POLR3C: variants seen among roughly 807,000 people sequenced by gnomAD.
POLR3C encodes DNA-directed RNA polymerase III subunit RPC3.
A neutral mutation model predicts 65.9 loss-of-function variants in POLR3C; 44 were observed. That is an observed-to-expected ratio of 0.67 (90% CI 0.52 to 0.86). The LOEUF (loss-of-function observed/expected upper bound fraction) is 0.86, where lower values mean the gene tolerates loss of function less well. Ranked by LOEUF, POLR3C falls within the 40% of genes least tolerant of loss-of-function variation. POLR3C has a pLI of 0.00. For synonymous variants in POLR3C, 263 were observed against 231.6 expected (o/e 1.14, Z -1.23); for missense variants, 576 against 653.2 (o/e 0.88, Z 1.29).
At chr1:145,830,688 A>G (rs932471587) in intron 5 of POLR3C, among the ~76,000 whole-genome samples, 1 of 151,980 alleles carries the variant, frequency 6.6e-6, no homozygotes, top group African/African-American at 2.4e-5. Flanking sequence ...AATTACAGCT[A>G]CTTGGGAGGC....
chr1:145,830,650 T>C (rs935892168), intron 5 of POLR3C, among the ~76,000 whole-genome samples: 4 of 151,490 alleles, frequency 2.6e-5, no homozygotes, highest in Non-Finnish European at 5.9e-5. Context: ...AATACAAAAA[T>C]TAACCGGCCA....
In POLR3C at chr1:145,838,067, G is replaced by A. The variant is rs781939840; in HGVS notation, c.1082G>A (p.Arg361His). Reference sequence around the variant, plus strand: ...TCATTCCTTTCCAGATTTGGGTCTCGCTGTGCTAGAATATTCCGTCTAGTT... The same window carrying A: ...TCATTCCTTTCCAGATTTGGGTCTCACTGTGCTAGAATATTCCGTCTAGTT... The part of the protein sequence containing the change: ...ESVVQERFGS[R>H]CARIFRLVLQ... The change falls in exon 11 of 15, where the codon CGC (arginine) becomes CAC (histidine). Residue 361 changes from arginine (R) to histidine (H), a missense_variant. Coordinates refer to ENST00000334163, the MANE Select transcript of POLR3C (RefSeq NM_006468.8). 2.9e-5 allele frequency: 47 copies of A among 1,613,830 alleles called. No individual in the cohort carries two copies. In the East Asian group the frequency reaches 3.1e-4, roughly 11 times the overall value.
At chr1:145,841,244 C>T (rs980372988) in intron 14 of POLR3C, among the ~76,000 whole-genome samples, 173 bp downstream of exon 14, 1 of 152,202 alleles carries the variant, frequency 6.6e-6, no homozygotes, top group East Asian at 1.9e-4. Context: ...TGAAGATGTT[C>T]TGAGCTTCTT....
chr1:145,833,635 A>G (rs1651538015), intron 7 of POLR3C, 53 bp downstream of exon 7: 17 of 1,176,056 alleles, frequency 1.4e-5, no homozygotes, highest in South Asian at 4.9e-5. Flanking sequence ...GGTGTTATCA[A>G]CGTTTATTAT....
chr1:145,826,437 C>T lies in POLR3C; in HGVS notation c.148-17C>T, dbSNP rs782284283. The T allele has an allele frequency of 6.2e-7, 1 of 1,611,082 alleles. No homozygotes were observed. The highest frequency in any genetic ancestry group is 8.5e-7 in the Non-Finnish European group (1 of 1,178,034). On this transcript the variant is annotated splice_polypyrimidine_tract_variant and intron_variant, in intron 2 of 14. Transcript: ENST00000334163. ...TTCAGGTCTTTCCTCTCTTTCTTCT[C>T]TTTATGTTCCATTTAGGTGAAGAAA...
At chr1:145,837,488 A>G (rs1019286887) in intron 9 of POLR3C, 48 bp from the exon 10 acceptor site, 1 of 983,420 alleles carries the variant, frequency 1.0e-6, no homozygotes, top group South Asian at 1.6e-5. Context: ...TCAGATCACA[A>G]TAACTAGGCC....
chr1:145,833,263 A>G lies in POLR3C; in HGVS notation c.682A>G (p.Ile228Val). The G allele has an allele frequency of 6.3e-7, 1 of 1,596,722 alleles. No homozygotes were observed. The highest frequency in any genetic ancestry group is 8.6e-7 in the Non-Finnish European group (1 of 1,164,886). Residue 228 changes from isoleucine (I) to valine (V), a missense_variant, in exon 6 of 15, where the codon ATT becomes GTT. By Grantham distance (29) the Ile-to-Val change is conservative (BLOSUM62 3). Coordinates refer to ENST00000334163, the MANE Select transcript of POLR3C (RefSeq NM_006468.8). ...TTTCTCTAAATCTTTTCCTCAGCCCATTCCAGATGATGGGATTTATTGGCA... is the reference window on the plus strand; with the variant it reads ...TTTCTCTAAATCTTTTCCTCAGCCCGTTCCAGATGATGGGATTTATTGGCA... ...PKYTTDNKEPIPDDGIYWQAN... is the reference protein window; with the variant it reads ...PKYTTDNKEPVPDDGIYWQAN...
At chr1:145,840,415 C>T (rs1229589016) in intron 13 of POLR3C, 3 of 440,862 alleles carry the variant, frequency 6.8e-6, no homozygotes, top group Non-Finnish European at 1.2e-5. Context: ...TGGCGGGCAC[C>T]TATAGTCCCA....
chr1:145,837,941 C>G (rs1026726016), intron 10 of POLR3C, 115 bp from the exon 11 acceptor site: 174 of 908,526 alleles, frequency 1.9e-4, no homozygotes, highest in Non-Finnish European at 2.2e-4. Flanking sequence ...TTTCTGATCA[C>G]TGTTCCTGTC....
In POLR3C at chr1:145,835,438, C is replaced by CT. The variant is rs1651732619; in HGVS notation, c.877-1055dup. Among the ~76,000 whole-genome samples, 3 of 147,748 alleles carry CT rather than the reference C, an allele frequency of 2.0e-5. No individual in the cohort carries two copies. The Admixed American group carries it at 2.0e-4, about 10-fold the overall frequency. The stretch of plus-strand genomic sequence containing the variant: ...CTAGCCTGGGAAACAGAGTGAGACT[C>CT]TGTCTCAAAAAAAAAAAAAAAGTTT... On this transcript the variant is annotated intron_variant, in intron 7 of 14. Transcript: ENST00000334163.
At position 145,842,366 on chromosome 1, in the gene POLR3C, C is replaced by G; in HGVS notation, c.1551C>G (p.Asp517Glu). Residue 517 changes from aspartate to glutamate, a missense_variant, in exon 15 of 15, where the codon GAC (aspartate) becomes GAG (glutamate). Transcript: ENST00000334163. ...NKLDASEIQV[D>E]ETIFLLESYI... ...TGGATGCCAGTGAGATCCAGGTGGA[C>G]GAAACCATCTTCCTGCTGGAGTCTT... 1 of 1,611,044 alleles carries G rather than the reference C, an allele frequency of 6.2e-7. No homozygotes were observed. Among genetic ancestry groups the G allele is most frequent in the South Asian group, 1.1e-5 (1 of 91,042 alleles).
In POLR3C at chr1:145,826,728, G is replaced by C. The variant is rs1036631838; in HGVS notation, c.403+19G>C. ...ATGGAGGGTCAGTATGGTATCCATA[G>C]CTGTTAACAAAAGCATAGATCAGCT... is the stretch of plus-strand genomic sequence containing the variant. On this transcript the variant is annotated intron_variant, in intron 3 of 14. Coordinates refer to ENST00000334163, the MANE Select transcript of POLR3C (RefSeq NM_006468.8). 5 of 1,613,742 alleles carry C rather than the reference G, an allele frequency of 3.1e-6. No individual in the cohort carries two copies. The South Asian group carries it at 4.4e-5, about 14-fold the overall frequency.
intron 11 of POLR3C, among the ~76,000 whole-genome samples, 194 bp downstream of exon 11, chr1:145,838,400 G>C (rs1652025201): frequency 6.6e-6 from 1 of 152,202 alleles, no homozygotes; most frequent in Admixed American, 6.5e-5. Context: ...AGAAAGAGGT[G>C]GCCGGGCACG....
rs371231143 is a variant in POLR3C, at chr1:145,841,016, A to G, written c.1468A>G (p.Met490Val). The change falls in exon 14 of 15, where the codon ATG becomes GTG. Residue 490 changes from methionine (M) to valine (V), a missense_variant. Met to Val is a conservative substitution (Grantham distance 21). Coordinates refer to ENST00000334163, the MANE Select transcript of POLR3C (RefSeq NM_006468.8). ...AGCACAGTTACAAGAAATAGAGGAG[A>G]TGATCACAGCTCCTGAACGTCAGCA... The part of the protein sequence containing the change: ...EEAQLQEIEE[M>V]ITAPERQQLE... The G allele has an allele frequency of 1.2e-5, 20 of 1,611,916 alleles. No individual in the cohort carries two copies. The highest frequency in any genetic ancestry group is 1.6e-5 in the Non-Finnish European group (19 of 1,177,988).
rs1650810035 is a variant in POLR3C at position 145,826,971 on chromosome 1, G to A, written c.555G>A (p.Lys185=). The change falls in exon 4 of 15, where the codon AAG becomes AAA. Residue 185 remains lysine (K), a synonymous_variant. Coordinates refer to ENST00000334163, the MANE Select transcript of POLR3C (RefSeq NM_006468.8). ...PPAPTLVINE[K]DMYLVPKLSL... ...CCCCCACACTTGTCATTAATGAAAA[G>A]GACATGTACCTGGTTCCTAAACTCA... 1.9e-6 allele frequency: 3 copies of A among 1,611,872 alleles called. No homozygotes were observed. The highest frequency in any genetic ancestry group is 2.5e-6 in the Non-Finnish European group (3 of 1,179,510).
chr1:145,828,252 G>T (rs1650950418), intron 4 of POLR3C, among the ~76,000 whole-genome samples: 1 of 152,198 alleles, frequency 6.6e-6, no homozygotes, highest in African/African-American at 2.4e-5. Context: ...TGGGAGACAG[G>T]CAGGGGCTGA....
chr1:145,834,253 G>A (rs1482818229), intron 7 of POLR3C, among the ~76,000 whole-genome samples: 1 of 152,184 alleles, frequency 6.6e-6, no homozygotes, highest in African/African-American at 2.4e-5. Context: ...CACCTGTTTA[G>A]TGCACTTAAC....
chr1:145,836,359 A>G (rs1651838966), intron 7 of POLR3C, 135 bp from the exon 8 acceptor site: 18 of 652,998 alleles, frequency 2.8e-5, no homozygotes, highest in Non-Finnish European at 4.9e-5. Flanking sequence ...ACCCAAAGTG[A>G]TCCACCTGCC....
intron 1 of POLR3C, 25 bp downstream of exon 1, chr1:145,824,394 G>T (rs1358811447): frequency 1.3e-5 from 6 of 449,282 alleles, no homozygotes; most frequent in Non-Finnish European, 2.1e-5. Flanking sequence ...CTGTCTGAAC[G>T]TGGCGGCACT....
Sources: allele counts gnomAD v4.1 joint callset (sites outside exome capture counted in the v4.1 genomes callset), GRCh38; gene constraint gnomAD v4.1.1; transcripts MANE v1.5; gene names NCBI Gene and HGNC (gene_info 2026-07-23, HGNC 2026-07-21).